Variants in ADAMTS3 observed in about 807,000 individuals in gnomAD.
ADAMTS3 encodes A disintegrin and metalloproteinase with thrombospondin motifs 3.
A neutral mutation model predicts 129.0 loss-of-function variants in ADAMTS3; 73 were observed. That is an observed-to-expected ratio of 0.57 (90% CI 0.47 to 0.69). ADAMTS3 has a LOEUF of 0.69. ADAMTS3 is among the 30% of genes least tolerant of loss of function. The probability of loss-of-function intolerance (pLI) is 0.00; values close to 1 mark genes in which losing one functional copy is unlikely to be tolerated. For missense variants in ADAMTS3, 1,457 were observed against 1,514.5 expected (o/e 0.96, Z 0.63); for synonymous variants, 477 against 510.8 (o/e 0.93, Z 0.89).
chr4:72,451,183 G>GT (rs1404709664), intron 3 of ADAMTS3, among the ~76,000 whole-genome samples: 1 of 151,668 alleles, frequency 6.6e-6, no homozygotes, highest in East Asian at 2.0e-4. Flanking sequence ...AGTTGGCCAG[G>GT]TATCTAAAAC....
intron 3 of ADAMTS3, among the ~76,000 whole-genome samples, chr4:72,461,297 T>C (rs1718764333): frequency 6.6e-6 from 1 of 151,456 alleles, no homozygotes. Context: ...AGAAATAGAG[T>C]GGAATCATGA....
At chr4:72,386,183 C>T (rs1445784572) in intron 4 of ADAMTS3, among the ~76,000 whole-genome samples, 3 of 152,116 alleles carry the variant, frequency 2.0e-5, no homozygotes, top group African/African-American at 4.8e-5. Flanking sequence ...CAAAATGTCT[C>T]GGTACCAACT....
intron 5 of ADAMTS3, among the ~76,000 whole-genome samples, chr4:72,331,039 G>A (rs1290620106): frequency 3.3e-5 from 5 of 152,186 alleles, no homozygotes; most frequent in Non-Finnish European, 7.3e-5. Flanking sequence ...AGAAGAAAGT[G>A]TGAATTTCAC....
At chr4:72,497,117 T>C (rs897036700) in intron 3 of ADAMTS3, among the ~76,000 whole-genome samples, 4 of 150,588 alleles carry the variant, frequency 2.7e-5, no homozygotes, top group African/African-American at 5.0e-5. Context: ...CACTAATTAA[T>C]AGAATATTTT....
intron 4 of ADAMTS3, among the ~76,000 whole-genome samples, chr4:72,356,005 A>T (rs1560484572): frequency 6.6e-6 from 1 of 151,994 alleles, no homozygotes; most frequent in African/African-American, 2.4e-5. Flanking sequence ...TACTTTTGTG[A>T]TTAAAAAACT....
intron 4 of ADAMTS3, among the ~76,000 whole-genome samples, chr4:72,378,860 G>A (rs1327504629): frequency 6.6e-6 from 1 of 152,126 alleles, no homozygotes. Flanking sequence ...CAGCCATGCT[G>A]AGAGGGGTTT....
Position 72,568,990 on chromosome 4 carries a change from C to A in ADAMTS3, c.-228G>T. ...CACTTCACCTTCTCACCCCGTCCTC[C>A]CAACACAGAGTGTGCAGGAGCGAGA... On this transcript the variant is annotated 5_prime_UTR_variant, in exon 1 of 22. Transcript: ENST00000286657. 1.7e-6 allele frequency: 1 copy of A among 595,862 alleles called. No individual in the cohort carries two copies. Among genetic ancestry groups the A allele is most frequent in the Non-Finnish European group, 3.0e-6 (1 of 334,108 alleles). 36.9% of individuals were successfully genotyped at this position (595,862 alleles called of 1,614,324 possible).
At chr4:72,509,053 A>T (rs1283791516) in intron 3 of ADAMTS3, among the ~76,000 whole-genome samples, 1 of 152,102 alleles carries the variant, frequency 6.6e-6, no homozygotes, top group Non-Finnish European at 1.5e-5. Context: ...ATTGAGAAGG[A>T]AATTGAAAAA....
At chr4:72,422,946 T>C (rs1195791862) in intron 3 of ADAMTS3, among the ~76,000 whole-genome samples, 1 of 152,184 alleles carries the variant, frequency 6.6e-6, no homozygotes, top group African/African-American at 2.4e-5. Flanking sequence ...AAGAGAAGAC[T>C]AAATTGTGTT....
At chr4:72,409,750 C>T (rs55736802) in intron 4 of ADAMTS3, among the ~76,000 whole-genome samples, 65 of 152,198 alleles carry the variant, frequency 4.3e-4, no homozygotes, top group African/African-American at 1.6e-3. Context: ...ACTCTGATTC[C>T]TATTTTATGT....
intron 19 of ADAMTS3, among the ~76,000 whole-genome samples, chr4:72,293,480 C>T (rs1199767799): frequency 6.6e-6 from 1 of 152,236 alleles, no homozygotes; most frequent in Middle Eastern, 3.4e-3. Flanking sequence ...ATGGTGAGAT[C>T]GCTTTAGAAA....
intron 3 of ADAMTS3, among the ~76,000 whole-genome samples, chr4:72,488,795 A>G (rs1284862505): frequency 6.6e-6 from 1 of 151,842 alleles, no homozygotes; most frequent in Non-Finnish European, 1.5e-5. Flanking sequence ...TTTCGTGGTG[A>G]GAACACCTAG....
At position 72,312,485 on chromosome 4, in the gene ADAMTS3, T is replaced by G. The variant is rs139379032; in HGVS notation, c.1746-19A>C. 0.042 allele frequency: 68,081 copies of G among 1,610,868 alleles called. 1,718 individuals are homozygous for G. The highest frequency in any genetic ancestry group is 0.053 in the Middle Eastern group (321 of 6,048). On this transcript the variant is annotated intron_variant, in intron 12 of 21. Transcript: ENST00000286657. ...GATGGGCCTAAAGAAAAGACAACAT[T>G]TAAAAAGGCCTTTTGGCTTCTGTCT...
intron 12 of ADAMTS3, 136 bp downstream of exon 12, chr4:72,313,540 TG>T: frequency 1.2e-6 from 1 of 817,676 alleles, no homozygotes; most frequent in Non-Finnish European, 1.8e-6. Flanking sequence ...AAACACAGAC[TG>T]GTTTATGAAC....
At position 72,323,770 on chromosome 4, in the gene ADAMTS3, A is replaced by C. The variant is rs532454535; in HGVS notation, c.862-673T>G. Among the ~76,000 whole-genome samples the C allele has an allele frequency of 2.0e-5, 3 of 152,322 alleles. No homozygotes were observed. In the East Asian group the frequency reaches 5.8e-4, roughly 29 times the overall value. ...GTCACTGCTTTTTATTTAATTTTAA[A>C]AAATTAGGCTGAAATTTCTAAAAGT... On this transcript the variant is annotated intron_variant, in intron 5 of 21. Transcript: ENST00000286657.
At chr4:72,296,455 T>C (rs1392303957) in intron 18 of ADAMTS3, among the ~76,000 whole-genome samples, 3 of 152,040 alleles carry the variant, frequency 2.0e-5, no homozygotes, top group Non-Finnish European at 4.4e-5. Context: ...CTTTTATATT[T>C]GTAATTATGT....
chr4:72,381,602 T>C (rs1375672959), intron 4 of ADAMTS3, among the ~76,000 whole-genome samples: 1 of 152,178 alleles, frequency 6.6e-6, no homozygotes, highest in Non-Finnish European at 1.5e-5. Flanking sequence ...ACTAAATAAC[T>C]GCAGATGAAG....
intron 2 of ADAMTS3, among the ~76,000 whole-genome samples, chr4:72,563,381 C>T (rs943636486): frequency 6.6e-6 from 1 of 152,106 alleles, no homozygotes; most frequent in African/African-American, 2.4e-5. Flanking sequence ...TCCCCCTAAA[C>T]CTCCTTCACC....
At chr4:72,391,440 T>C (rs1264695577) in intron 4 of ADAMTS3, among the ~76,000 whole-genome samples, 6 of 152,098 alleles carry the variant, frequency 3.9e-5, no homozygotes, top group African/African-American at 1.4e-4. Context: ...GTCCAGGCAC[T>C]GAAATTTCAG....
Sources: allele counts gnomAD v4.1 joint callset (sites outside exome capture counted in the v4.1 genomes callset), GRCh38; gene constraint gnomAD v4.1.1; transcripts MANE v1.5; gene names NCBI Gene and HGNC (gene_info 2026-07-23, HGNC 2026-07-21).